SPOCK1: variants seen among roughly 807,000 people sequenced by gnomAD.
The protein encoded by SPOCK1 is testican-1.
Under a neutral mutation model 55.3 loss-of-function variants are expected in SPOCK1, and 23 were observed. That is an observed-to-expected ratio of 0.42 (90% CI 0.30 to 0.59). SPOCK1 has a LOEUF of 0.59. Ranked by LOEUF, SPOCK1 falls within the 20% of genes least tolerant of loss-of-function variation. SPOCK1 has a pLI of 0.22. For synonymous variants in SPOCK1, 226 were observed against 221.0 expected (o/e 1.02, Z -0.20); for missense variants, 499 against 552.5 (o/e 0.90, Z 0.97).
At position 136,988,512 on chromosome 5, in the gene SPOCK1, A is replaced by G; in HGVS notation, c.838T>C (p.Cys280Arg). 1 of 1,614,180 alleles carries G rather than the reference A, an allele frequency of 6.2e-7. No individual in the cohort carries two copies. The highest frequency in any genetic ancestry group is 8.5e-7 in the Non-Finnish European group (1 of 1,180,016). ...CACGAGTTGAAAAGAGGCTTGATAC[A>G]GGGCTCGTACTTATCCAGGTAGATG... The part of the protein sequence containing the change: ...NAIYLDKYEP[C>R]IKPLFNSCDS... Residue 280 changes from cysteine to arginine, a missense_variant, in exon 8 of 11, where the codon TGT becomes CGT. Cys to Arg is a radical substitution (Grantham distance 180). Coordinates refer to ENST00000394945, the MANE Select transcript of SPOCK1 (RefSeq NM_004598.4).
chr5:137,075,043 T>C (rs1752728106), intron 5 of SPOCK1, among the ~76,000 whole-genome samples: 1 of 152,160 alleles, frequency 6.6e-6, no homozygotes, highest in Non-Finnish European at 1.5e-5. Context: ...TTCACCATGT[T>C]GGCCAGGCTG....
At chr5:137,015,555 T>C (rs990615473) in intron 6 of SPOCK1, among the ~76,000 whole-genome samples, 1 of 152,128 alleles carries the variant, frequency 6.6e-6, no homozygotes, top group Non-Finnish European at 1.5e-5. Context: ...CTTCCCCAAA[T>C]AGGAGCCTGA....
chr5:137,294,177 T>G lies in SPOCK1; in HGVS notation c.187-27122A>C, dbSNP rs530538093. 2.0e-5 allele frequency among the ~76,000 whole-genome samples: 3 copies of G among 152,370 alleles called. No individual in the cohort carries two copies. The East Asian group carries it at 5.8e-4, about 29-fold the overall frequency. On this transcript the variant is annotated intron_variant, in intron 2 of 10. Transcript: ENST00000394945. The stretch of plus-strand genomic sequence containing the variant: ...AAATGGCCACATATGTCTTTTGGCT[T>G]CTTTATCGAACCATATGGTACTAGA...
At chr5:137,238,588 T>C (rs1359534956) in intron 3 of SPOCK1, among the ~76,000 whole-genome samples, 1 of 152,116 alleles carries the variant, frequency 6.6e-6, no homozygotes, top group Non-Finnish European at 1.5e-5. Flanking sequence ...AAGGCAAATA[T>C]TGCACAAAAT....
chr5:136,986,073 A>G (rs1175473641), intron 8 of SPOCK1, among the ~76,000 whole-genome samples: 1 of 152,152 alleles, frequency 6.6e-6, no homozygotes, highest in African/African-American at 2.4e-5. Flanking sequence ...AGACTGCACA[A>G]TGCTACCTGG....
chr5:137,447,859 C>T (rs1020336383), intron 2 of SPOCK1, among the ~76,000 whole-genome samples: 12 of 152,140 alleles, frequency 7.9e-5, no homozygotes, highest in South Asian at 2.1e-4. Flanking sequence ...TGATATAATC[C>T]GGCTATATTC....
chr5:137,013,064 A>T (rs1415044173), intron 6 of SPOCK1, among the ~76,000 whole-genome samples: 1 of 152,208 alleles, frequency 6.6e-6, no homozygotes, highest in African/African-American at 2.4e-5. Context: ...GGAGAAAGAG[A>T]GACACAGAGA....
chr5:137,349,857 C>A (rs1346807913), intron 2 of SPOCK1, among the ~76,000 whole-genome samples: 4 of 152,188 alleles, frequency 2.6e-5, no homozygotes, highest in African/African-American at 9.6e-5. Flanking sequence ...CCCTAATGAC[C>A]TCAGAGTAAC....
At chr5:137,074,088 T>A (rs1358308029) in intron 5 of SPOCK1, among the ~76,000 whole-genome samples, 1 of 152,108 alleles carries the variant, frequency 6.6e-6, no homozygotes, top group Admixed American at 6.6e-5. Context: ...AAATCCAAAA[T>A]TGAGGACATT....
rs34828127 is a variant in SPOCK1, at chr5:137,301,636, CTTTTTTT to C, written c.187-34588_187-34582del. Reference sequence around the variant, plus strand: ...ACATACTCATTAAGCATTTCGTCTCCTTTTTTTTTTTTTTTTTTTGAGTATGTTCTCA... The same window carrying C: ...ACATACTCATTAAGCATTTCGTCTCCTTTTTTTTTTTTGAGTATGTTCTCA... On this transcript the variant is annotated intron_variant, in intron 2 of 10. Transcript: ENST00000394945. 1.6e-3 allele frequency among the ~76,000 whole-genome samples: 210 copies of C among 129,784 alleles called. 2 individuals are homozygous for C. Among genetic ancestry groups the C allele is most frequent in the African/African-American group, 6.0e-3 (204 of 33,792 alleles). 85.1% of individuals were successfully genotyped at this position (129,784 alleles called of 152,430 possible).
rs1381385314 is a variant in SPOCK1 at position 137,104,279 on chromosome 5, T to C, written c.474+8156A>G. On this transcript the variant is annotated intron_variant, in intron 5 of 10. Transcript: ENST00000394945. ...CTCTCTCTTCCTCCTGCTCCTGCCA[T>C]GTAAGATGGGCCTGCTTCCACTTCA... is the stretch of plus-strand genomic sequence containing the variant. Among the ~76,000 whole-genome samples the C allele has an allele frequency of 2.0e-5, 3 of 152,340 alleles. No individual in the cohort carries two copies. The East Asian group carries it at 5.8e-4, about 29-fold the overall frequency.
chr5:137,233,438 GAT>G (rs1756110616), intron 3 of SPOCK1, among the ~76,000 whole-genome samples: 1 of 152,124 alleles, frequency 6.6e-6, no homozygotes, highest in Non-Finnish European at 1.5e-5. Flanking sequence ...TGCTGCTGCT[GAT>G]CTGACAGGAG....
chr5:137,313,144 A>G (rs1301696513), intron 2 of SPOCK1, among the ~76,000 whole-genome samples: 1 of 152,182 alleles, frequency 6.6e-6, no homozygotes, highest in Non-Finnish European at 1.5e-5. Flanking sequence ...CCTACCATCC[A>G]TTCCCAAAAG....
intron 4 of SPOCK1, among the ~76,000 whole-genome samples, chr5:137,139,068 T>C (rs566344741): frequency 2.0e-5 from 3 of 152,358 alleles, no homozygotes; most frequent in East Asian, 3.9e-4. Flanking sequence ...AAACAGGTGC[T>C]GAGCACAATG....
chr5:137,163,840 AG>A (rs1332259382), intron 3 of SPOCK1, among the ~76,000 whole-genome samples: 7 of 152,206 alleles, frequency 4.6e-5, no homozygotes, highest in African/African-American at 1.7e-4. Context: ...TCCTTTACCA[AG>A]GCACAGCTAC....
chr5:137,469,885 G>A (rs955807132), intron 2 of SPOCK1, among the ~76,000 whole-genome samples: 13 of 152,180 alleles, frequency 8.5e-5, no homozygotes, highest in African/African-American at 3.1e-4. Context: ...ACTCAGTCAT[G>A]CTCCACTATT....
At chr5:137,404,880 C>T (rs1230228311) in intron 2 of SPOCK1, among the ~76,000 whole-genome samples, 1 of 152,184 alleles carries the variant, frequency 6.6e-6, no homozygotes, top group African/African-American at 2.4e-5. Context: ...ATCAGCACCA[C>T]CCACAAAGTT....
At chr5:137,369,541 C>T (rs1751153043) in intron 2 of SPOCK1, among the ~76,000 whole-genome samples, 1 of 152,220 alleles carries the variant, frequency 6.6e-6, no homozygotes, top group Non-Finnish European at 1.5e-5. Context: ...GGGTGTGCCA[C>T]TTACTAACTG....
rs1227343635 is a variant in SPOCK1 at position 137,466,021 on chromosome 5, G to C, written c.186+32352C>G. ...ATCTACAAATAAATGAGATAAAATG[G>C]AACATAAGCTTAAAGACTTTATTAC... On this transcript the variant is annotated intron_variant, in intron 2 of 10. Transcript: ENST00000394945. Among the ~76,000 whole-genome samples the C allele has an allele frequency of 2.0e-5, 3 of 152,136 alleles. 1 individual carries two copies. Among genetic ancestry groups the C allele is most frequent in the Non-Finnish European group, 4.4e-5 (3 of 68,026 alleles).
Sources: gnomAD v4.1 joint callset for allele counts (sites outside exome capture counted in the v4.1 genomes callset) on GRCh38, gnomAD v4.1.1 for gene constraint, MANE v1.5 for transcripts, NCBI Gene and HGNC (gene_info 2026-07-23, HGNC 2026-07-21) for gene names.